Variants in SCD5 observed in about 807,000 individuals in gnomAD.
SCD5 encodes the protein acyl-CoA-desaturase 4.
A neutral mutation model predicts 30.4 loss-of-function variants in SCD5; 20 were observed. That is an observed-to-expected ratio of 0.66 (90% CI 0.46 to 0.96). SCD5 has a LOEUF of 0.96. Among genes scored for constraint, SCD5 ranks in the 40% least tolerant of loss-of-function variants. The pLI is 0.00. For missense variants in SCD5, 381 were observed against 443.3 expected, an observed-to-expected ratio of 0.86 and a Z score of 1.26; for synonymous variants, 173 against 176.4, an observed-to-expected ratio of 0.98 and a Z score of 0.16.
intron 1 of SCD5, among the ~76,000 whole-genome samples, chr4:82,788,592 T>C (rs1722036356): frequency 6.6e-6 from 1 of 152,182 alleles, no homozygotes; most frequent in African/African-American, 2.4e-5. Context: ...GGTTTCGTTA[T>C]GTTGGCCAGG....
intron 1 of SCD5, among the ~76,000 whole-genome samples, chr4:82,707,146 T>C (rs1243775435): frequency 6.6e-6 from 1 of 152,226 alleles, no homozygotes; most frequent in African/African-American, 2.4e-5. Context: ...TAATGAAATA[T>C]TCAGACAAAG....
intron 3 of SCD5, among the ~76,000 whole-genome samples, chr4:82,649,467 T>C (rs960706137): frequency 2.0e-5 from 3 of 152,156 alleles, no homozygotes; most frequent in African/African-American, 7.2e-5. Context: ...AAATACTGTA[T>C]GGGTACCTCC....
chr4:82,641,825 A>T (rs1421282067), intron 3 of SCD5, among the ~76,000 whole-genome samples: 2 of 152,146 alleles, frequency 1.3e-5, no homozygotes, highest in African/African-American at 2.4e-5. Context: ...GTAGAGTGGC[A>T]CGACTTGTTA....
intron 2 of SCD5, among the ~76,000 whole-genome samples, chr4:82,684,451 T>C (rs769397387): frequency 6.6e-6 from 1 of 152,210 alleles, no homozygotes; most frequent in Non-Finnish European, 1.5e-5. Context: ...GCAAGATTTA[T>C]ATGTTCACCC....
chr4:82,701,508 A>T (rs78296601), intron 2 of SCD5, among the ~76,000 whole-genome samples: 1 of 144,200 alleles, frequency 6.9e-6, no homozygotes, highest in Admixed American at 7.0e-5. Flanking sequence ...AGAGAGGATT[A>T]AAAAAAAAAA....
chr4:82,689,868 C>T (rs775060492), intron 2 of SCD5, among the ~76,000 whole-genome samples: 2 of 152,080 alleles, frequency 1.3e-5, no homozygotes, highest in Non-Finnish European at 2.9e-5. Flanking sequence ...CTGAGGAGGA[C>T]ACAAGAATGC....
chr4:82,797,249 T>C (rs982034695), intron 1 of SCD5, among the ~76,000 whole-genome samples: 1 of 152,226 alleles, frequency 6.6e-6, no homozygotes, highest in African/African-American at 2.4e-5. Flanking sequence ...GTGTTTCTCC[T>C]GCCCGCCCCT....
chr4:82,778,152 G>A (rs1273667172), intron 1 of SCD5, among the ~76,000 whole-genome samples: 3 of 152,094 alleles, frequency 2.0e-5, no homozygotes, highest in Non-Finnish European at 4.4e-5. Context: ...TCACTCATAA[G>A]TGGGAGTTGA....
chr4:82,695,877 C>T (rs560971135), intron 2 of SCD5, among the ~76,000 whole-genome samples: 30 of 152,304 alleles, frequency 2.0e-4, no homozygotes, highest in African/African-American at 7.2e-4. Context: ...TGATCCTAGC[C>T]CATATTCAAA....
intron 3 of SCD5, among the ~76,000 whole-genome samples, chr4:82,666,851 A>G (rs1728200709): frequency 6.6e-6 from 1 of 152,216 alleles, no homozygotes; most frequent in Non-Finnish European, 1.5e-5. Flanking sequence ...TCAAGTCCAG[A>G]TTCCAGGTAC....
At chr4:82,730,737 C>T (rs186337542) in intron 1 of SCD5, among the ~76,000 whole-genome samples, 2 of 151,862 alleles carry the variant, frequency 1.3e-5, no homozygotes, top group Admixed American at 6.6e-5. Context: ...AGGCACCCAC[C>T]ACCACGCCCG....
At position 82,631,265 on chromosome 4, in the gene SCD5, A is replaced by T. The variant is rs1047858199; in HGVS notation, c.*62T>A. The T allele has an allele frequency of 6.7e-7, 1 of 1,489,566 alleles. No homozygotes were observed. The allele number at this position is 1,489,566 out of a possible 1,614,324, so 92.3% of individuals were successfully genotyped here. ...CCACGATCCAATGTACAAGAGAGCT[A>T]TTGTAACCAAAGCCATGAACCGAGG... On this transcript the variant is annotated 3_prime_UTR_variant, in exon 5 of 5. Coordinates refer to ENST00000319540, the MANE Select transcript of SCD5 (RefSeq NM_001037582.3).
intron 1 of SCD5, among the ~76,000 whole-genome samples, chr4:82,747,457 G>C (rs1721020570): frequency 6.6e-6 from 1 of 152,170 alleles, no homozygotes; most frequent in Admixed American, 6.5e-5. Flanking sequence ...GACCCATTGG[G>C]TCTAAATTCC....
At chr4:82,642,603 C>T (rs1003318603) in intron 3 of SCD5, among the ~76,000 whole-genome samples, 6 of 152,202 alleles carry the variant, frequency 3.9e-5, no homozygotes, top group African/African-American at 1.2e-4. Context: ...GTCCCCCAGG[C>T]GAGGTGCACT....
chr4:82,798,227 G>A, intron 1 of SCD5, 79 bp downstream of exon 1: 1 of 1,220,654 alleles, frequency 8.2e-7, no homozygotes, highest in Non-Finnish European at 1.0e-6. Flanking sequence ...CCGCAGCCGA[G>A]GGGCGAGCGG....
At chr4:82,654,910 A>G (rs1727839203) in intron 3 of SCD5, among the ~76,000 whole-genome samples, 1 of 152,246 alleles carries the variant, frequency 6.6e-6, no homozygotes. Flanking sequence ...AGACCTACAC[A>G]TAGAGAATTT....
At chr4:82,741,450 C>T (rs951635029) in intron 1 of SCD5, among the ~76,000 whole-genome samples, 1 of 152,158 alleles carries the variant, frequency 6.6e-6, no homozygotes, top group African/African-American at 2.4e-5. Flanking sequence ...AACCAAGGCG[C>T]CCAACCAACA....
chr4:82,747,071 C>T (rs536095046), intron 1 of SCD5, among the ~76,000 whole-genome samples: 6 of 103,212 alleles, frequency 5.8e-5, no homozygotes, highest in African/African-American at 1.8e-4. Context: ...GGCAACCTGC[C>T]CCCCAAGAAA....
chr4:82,793,540 C>G (rs1722143427), intron 1 of SCD5, among the ~76,000 whole-genome samples: 2 of 152,188 alleles, frequency 1.3e-5, no homozygotes, highest in African/African-American at 4.8e-5. Flanking sequence ...GGCTGTGAAG[C>G]CAAGTTCTGT....
Sources: allele counts gnomAD v4.1 joint callset (sites outside exome capture counted in the v4.1 genomes callset), GRCh38; gene constraint gnomAD v4.1.1; transcripts MANE v1.5; gene names NCBI Gene and HGNC (gene_info 2026-07-23, HGNC 2026-07-21).